The following KCNH8 variants were observed in gnomAD, a reference collection of about 807,000 sequenced individuals.
KCNH8 encodes the protein voltage-gated delayed rectifier potassium channel KCNH8.
A neutral mutation model predicts 103.6 loss-of-function variants in KCNH8; 70 were observed. That is an observed-to-expected ratio of 0.68 (90% CI 0.56 to 0.82). KCNH8 has a LOEUF of 0.82. KCNH8 is among the 40% of genes least tolerant of loss of function. The pLI, the probability that KCNH8 is intolerant of heterozygous loss-of-function variation, is 0.00. For synonymous variants in KCNH8, 498 were observed against 489.4 expected (o/e 1.02, Z -0.23); for missense variants, 1,217 against 1,329.9 (o/e 0.92, Z 1.32).
chr3:19,323,346 G>A (rs1452038824), intron 3 of KCNH8, among the ~76,000 whole-genome samples: 2 of 152,074 alleles, frequency 1.3e-5, no homozygotes, highest in African/African-American at 4.8e-5. Context: ...CTACTCAAGA[G>A]GCTGAGGCAG....
intron 1 of KCNH8, among the ~76,000 whole-genome samples, chr3:19,213,583 A>G (rs2063790759): frequency 6.6e-6 from 1 of 152,134 alleles, no homozygotes; most frequent in Non-Finnish European, 1.5e-5. Flanking sequence ...TATTTTTTCT[A>G]GTTGCTTGGG....
chr3:19,167,882 T>C (rs1050716210), intron 1 of KCNH8, among the ~76,000 whole-genome samples: 1 of 152,168 alleles, frequency 6.6e-6, no homozygotes, highest in African/African-American at 2.4e-5. Flanking sequence ...TGTGTGTGAG[T>C]GTGTGTGTTT....
chr3:19,229,085 A>C (rs2063964775), intron 1 of KCNH8, among the ~76,000 whole-genome samples: 2 of 152,216 alleles, frequency 1.3e-5, no homozygotes, highest in African/African-American at 4.8e-5. Flanking sequence ...ATTTGACTCT[A>C]TTACTTCTGT....
intron 7 of KCNH8, among the ~76,000 whole-genome samples, chr3:19,410,307 A>G (rs2125147282): frequency 6.6e-6 from 1 of 152,276 alleles, no homozygotes; most frequent in East Asian, 1.9e-4. Context: ...GGGTGAACAA[A>G]GAATCAAGGC....
At chr3:19,408,909 G>A (rs773023647) in intron 7 of KCNH8, among the ~76,000 whole-genome samples, 3 of 152,144 alleles carry the variant, frequency 2.0e-5, no homozygotes, top group Non-Finnish European at 4.4e-5. Flanking sequence ...ATTCCTTGGA[G>A]AGAAGGAGGA....
chr3:19,289,757 A>C (rs891456029), intron 3 of KCNH8, among the ~76,000 whole-genome samples: 1 of 152,090 alleles, frequency 6.6e-6, no homozygotes. Context: ...ATGAATTTTA[A>C]AGTATTTTTT....
At position 19,156,981 on chromosome 3, in the gene KCNH8, T is replaced by A. The variant is rs1255890316; in HGVS notation, c.76+8186T>A. ...GTCTATAAAGCTTTTTTTTTTTTTT[T>A]TAAAAAAAAGGTTTTCTTTTGTTCT... On this transcript the variant is annotated intron_variant, in intron 1 of 15. Coordinates refer to ENST00000328405, the MANE Select transcript of KCNH8 (RefSeq NM_144633.3). 4.6e-5 allele frequency among the ~76,000 whole-genome samples: 7 copies of A among 150,844 alleles called. No homozygotes were observed. The South Asian group carries it at 1.0e-3, about 22-fold the overall frequency.
chr3:19,418,132 G>A (rs1304152053), intron 7 of KCNH8, among the ~76,000 whole-genome samples: 1 of 152,108 alleles, frequency 6.6e-6, no homozygotes, highest in Non-Finnish European at 1.5e-5. Flanking sequence ...ATTATTTGGG[G>A]GATTCATCAG....
chr3:19,364,062 C>G (rs572671237), intron 5 of KCNH8, among the ~76,000 whole-genome samples: 24 of 152,078 alleles, frequency 1.6e-4, no homozygotes, highest in Non-Finnish European at 3.1e-4. Context: ...CCATTCGTCT[C>G]TTAGTGTTTG....
intron 2 of KCNH8, among the ~76,000 whole-genome samples, chr3:19,279,996 A>T (rs2064735334): frequency 6.6e-6 from 1 of 152,134 alleles, no homozygotes; most frequent in South Asian, 2.1e-4. Flanking sequence ...TCATCAAAAG[A>T]AAATGAAGGA....
intron 6 of KCNH8, among the ~76,000 whole-genome samples, chr3:19,394,161 A>G (rs186607965): frequency 4.6e-5 from 7 of 152,138 alleles, no homozygotes; most frequent in Admixed American, 2.6e-4. Flanking sequence ...GCTTTCCCCA[A>G]AGAAATTAAA....
intron 1 of KCNH8, among the ~76,000 whole-genome samples, chr3:19,150,084 GTTTTT>G (rs1453486293): frequency 1.1e-4 from 16 of 152,222 alleles, no homozygotes. Context: ...CTTCATAAGT[GTTTTT>G]ATCTTTACAT....
chr3:19,149,301 A>T (rs2063105480), intron 1 of KCNH8, among the ~76,000 whole-genome samples: 1 of 152,118 alleles, frequency 6.6e-6, no homozygotes, highest in Non-Finnish European at 1.5e-5. Flanking sequence ...TAGAATTTTA[A>T]GTGTTGTGAG....
At position 19,459,956 on chromosome 3, in the gene KCNH8, G is replaced by GTCTCTCTC. The variant is rs34994157; in HGVS notation, c.2040+2986_2040+2993dup. On this transcript the variant is annotated intron_variant, in intron 11 of 15. Transcript: ENST00000328405. ...TTGTCTGTTATTTTTCTCTTTTTCTGTCTCTCTCTCTCTCTCTCTGTCATT... is the reference window on the plus strand; with the variant it reads ...TTGTCTGTTATTTTTCTCTTTTTCTGTCTCTCTCTCTCTCTCTCTCTCTCTCTGTCATT... 3.4e-5 allele frequency among the ~76,000 whole-genome samples: 5 copies of GTCTCTCTC among 147,558 alleles called. No individual in the cohort carries two copies. The East Asian group carries it at 5.9e-4, about 17-fold the overall frequency.
intron 1 of KCNH8, among the ~76,000 whole-genome samples, chr3:19,247,615 A>G (rs2064222898): frequency 6.6e-6 from 1 of 152,214 alleles, no homozygotes; most frequent in Admixed American, 6.5e-5. Context: ...TCAACAGCAT[A>G]TGTTACTATG....
At chr3:19,250,656 A>G (rs2064264981) in intron 1 of KCNH8, among the ~76,000 whole-genome samples, 1 of 152,132 alleles carries the variant, frequency 6.6e-6, no homozygotes, top group South Asian at 2.1e-4. Context: ...GACCATCTCG[A>G]TCTATTTTTG....
chr3:19,188,979 G>T (rs2063527309), intron 1 of KCNH8, among the ~76,000 whole-genome samples: 1 of 151,842 alleles, frequency 6.6e-6, no homozygotes, highest in Non-Finnish European at 1.5e-5. Flanking sequence ...ACAAACTACG[G>T]GTAGTTTTTC....
chr3:19,256,353 G>A (rs1031861139), intron 2 of KCNH8, among the ~76,000 whole-genome samples: 3 of 152,216 alleles, frequency 2.0e-5, no homozygotes, highest in African/African-American at 7.2e-5. Context: ...GTCCTTCCCA[G>A]TGTCAATACA....
Position 19,290,686 on chromosome 3 carries a change from A to C in KCNH8, c.442+9357A>C, listed in dbSNP as rs193061720. Among the ~76,000 whole-genome samples the C allele has an allele frequency of 2.4e-3, 369 of 152,318 alleles. 2 individuals are homozygous for C. The highest frequency in any genetic ancestry group is 3.5e-3 in the Non-Finnish European group (240 of 68,034). Reference sequence around the variant, plus strand: ...GAGGATTTTTGCATCAGTGTTAATCAGGGATATTGGTCTAAAATTCTCTTT... The same window carrying C: ...GAGGATTTTTGCATCAGTGTTAATCCGGGATATTGGTCTAAAATTCTCTTT... On this transcript the variant is annotated intron_variant, in intron 3 of 15. Transcript: ENST00000328405.
Sources: allele counts gnomAD v4.1 joint callset (sites outside exome capture counted in the v4.1 genomes callset), GRCh38; gene constraint gnomAD v4.1.1; transcripts MANE v1.5; gene names NCBI Gene and HGNC (gene_info 2026-07-23, HGNC 2026-07-21).